CPE: variants seen among roughly 807,000 people sequenced by gnomAD.
CPE encodes carbocypeptidase E.
Under a neutral mutation model 53.5 loss-of-function variants are expected in CPE, and 17 were observed. The observed-to-expected ratio is 0.32, with a 90% CI of 0.22 to 0.48. CPE has a LOEUF of 0.48. Among genes scored for constraint, CPE ranks in the 20% least tolerant of loss-of-function variants. The pLI, the probability that CPE is intolerant of heterozygous loss-of-function variation, is 0.99. For synonymous variants in CPE, 226 were observed against 228.8 expected (o/e 0.99, Z 0.11); for missense variants, 524 against 614.7 (o/e 0.85, Z 1.56).
chr4:165,488,033 T>G (rs1395540431), intron 6 of CPE, among the ~76,000 whole-genome samples: 2 of 152,178 alleles, frequency 1.3e-5, no homozygotes. Flanking sequence ...AGCCTCATCT[T>G]TCTCACCCTA....
chr4:165,449,843 A>G (rs1267296547), intron 1 of CPE, among the ~76,000 whole-genome samples: 1 of 151,882 alleles, frequency 6.6e-6, no homozygotes, highest in Non-Finnish European at 1.5e-5. Flanking sequence ...GATACACTTG[A>G]TGATTTTTAT....
At chr4:165,408,318 T>G (rs997828480) in intron 1 of CPE, among the ~76,000 whole-genome samples, 2 of 152,226 alleles carry the variant, frequency 1.3e-5, no homozygotes, top group African/African-American at 4.8e-5. Context: ...CTTGATCCAT[T>G]TTGAGTTAAC....
At chr4:165,479,224 A>G (rs1436073407) in intron 3 of CPE, among the ~76,000 whole-genome samples, 4 of 152,244 alleles carry the variant, frequency 2.6e-5, no homozygotes, top group Admixed American at 6.5e-5. Flanking sequence ...CATATGCATT[A>G]TAGAGTATTT....
intron 1 of CPE, among the ~76,000 whole-genome samples, chr4:165,392,188 A>G (rs1036745198): frequency 6.8e-6 from 1 of 147,348 alleles, no homozygotes; most frequent in Non-Finnish European, 1.5e-5. Flanking sequence ...AATATAATAT[A>G]CTTATATATA....
chr4:165,404,070 G>C, intron 1 of CPE: 3 of 978,218 alleles, frequency 3.1e-6, no homozygotes, highest in Non-Finnish European at 4.9e-6. Context: ...CCTGCTCACT[G>C]ATGAAACTTC....
chr4:165,386,403 A>G, intron 1 of CPE: 1 of 401,190 alleles, frequency 2.5e-6, no homozygotes, highest in Non-Finnish European at 4.8e-6. Flanking sequence ...AATATGTTTG[A>G]ATAAATGAAA....
intron 1 of CPE, among the ~76,000 whole-genome samples, chr4:165,395,836 C>A (rs1311111000): frequency 6.6e-6 from 1 of 152,088 alleles, no homozygotes; most frequent in African/African-American, 2.4e-5. Flanking sequence ...TACAAAAAAC[C>A]CCCAAAACAC....
intron 1 of CPE, among the ~76,000 whole-genome samples, chr4:165,411,789 T>A (rs559442547): frequency 2.6e-5 from 4 of 152,234 alleles, no homozygotes; most frequent in Non-Finnish European, 5.9e-5. Context: ...TGTTACTGTG[T>A]GTGGTAAGTA....
intron 1 of CPE, among the ~76,000 whole-genome samples, chr4:165,390,316 A>T (rs1207621916): frequency 6.6e-6 from 1 of 152,094 alleles, no homozygotes; most frequent in Non-Finnish European, 1.5e-5. Flanking sequence ...CCTTCAGTCT[A>T]CTCAGTGAGA....
At chr4:165,461,980 A>G (rs1371224525) in intron 1 of CPE, among the ~76,000 whole-genome samples, 2 of 152,226 alleles carry the variant, frequency 1.3e-5, no homozygotes, top group East Asian at 1.9e-4. Context: ...AGTATCTTCA[A>G]TATAATGACC....
intron 1 of CPE, among the ~76,000 whole-genome samples, chr4:165,409,688 G>A (rs1731006974): frequency 6.6e-6 from 1 of 152,244 alleles, no homozygotes; most frequent in East Asian, 1.9e-4. Flanking sequence ...CTAAGAAACT[G>A]TGAAATACTG....
rs536829206 is a variant in CPE, at chr4:165,402,749, G to A, written c.307+23221G>A. ...TTTCTTTATAAATTACTCAGTCTCC[G>A]GTATTTCTTTATAGTAATTCAAGAA... On this transcript the variant is annotated intron_variant, in intron 1 of 8. Coordinates refer to ENST00000402744, the MANE Select transcript of CPE (RefSeq NM_001873.4). Among the ~76,000 whole-genome samples, 40 of 152,054 alleles carry A rather than the reference G, an allele frequency of 2.6e-4. No individual in the cohort carries two copies. In the South Asian group the frequency reaches 6.9e-3, roughly 26 times the overall value.
intron 2 of CPE, among the ~76,000 whole-genome samples, chr4:165,464,793 C>A (rs1471268625): frequency 6.6e-6 from 1 of 152,176 alleles, no homozygotes; most frequent in African/African-American, 2.4e-5. Flanking sequence ...GTGAAGACTG[C>A]AAATCAGAAA....
Position 165,455,793 on chromosome 4 carries a change from C to G in CPE, c.308-8597C>G, listed in dbSNP as rs576903196. ...TCAGCCTCTCGAGTAGCTGGAATTA[C>G]AGGCGCCCGCCACCACATCTAGCTA... On this transcript the variant is annotated intron_variant, in intron 1 of 8. Transcript: ENST00000402744. Among the ~76,000 whole-genome samples the G allele has an allele frequency of 3.9e-5, 6 of 152,146 alleles. No homozygotes were observed. In the East Asian group the frequency reaches 1.2e-3, roughly 29 times the overall value.
chr4:165,382,369 A>G (rs1041555237), intron 1 of CPE, among the ~76,000 whole-genome samples: 3 of 152,150 alleles, frequency 2.0e-5, no homozygotes, highest in African/African-American at 4.8e-5. Context: ...TGTCTTTACT[A>G]TTTTCACCTT....
intron 1 of CPE, among the ~76,000 whole-genome samples, chr4:165,433,522 G>T (rs1433434197): frequency 6.6e-6 from 1 of 152,092 alleles, no homozygotes; most frequent in African/African-American, 2.4e-5. Context: ...TCCGCACCAG[G>T]TGTGGGCAAA....
At position 165,401,486 on chromosome 4, in the gene CPE, T is replaced by C. The variant is rs148303874; in HGVS notation, c.307+21958T>C. On this transcript the variant is annotated intron_variant, in intron 1 of 8. Coordinates refer to ENST00000402744, the MANE Select transcript of CPE (RefSeq NM_001873.4). ...ATGGCCTTAAAGAAGAAAGTCTTTA[T>C]GTGGCTCAGCTTCCACTCTGTAAAA... is the stretch of plus-strand genomic sequence containing the variant. Among the ~76,000 whole-genome samples the C allele has an allele frequency of 1.1e-3, 167 of 152,310 alleles. 5 individuals carry two copies. The East Asian group carries it at 0.031, about 29-fold the overall frequency.
intron 1 of CPE, among the ~76,000 whole-genome samples, chr4:165,385,556 C>T (rs1391341308): frequency 1.3e-5 from 2 of 151,072 alleles, no homozygotes; most frequent in Non-Finnish European, 2.9e-5. Flanking sequence ...GTGTCTCCCT[C>T]CTCAGCCTCT....
chr4:165,411,371 C>T (rs1343206828), intron 1 of CPE, among the ~76,000 whole-genome samples: 1 of 151,990 alleles, frequency 6.6e-6, no homozygotes, highest in East Asian at 1.9e-4. Flanking sequence ...TACTTTTTGC[C>T]CTTCCTCCTT....
Sources: gnomAD v4.1 joint callset for allele counts (sites outside exome capture counted in the v4.1 genomes callset) on GRCh38, gnomAD v4.1.1 for gene constraint, MANE v1.5 for transcripts, NCBI Gene and HGNC (gene_info 2026-07-23, HGNC 2026-07-21) for gene names.